Variants in FAM120A observed in about 807,000 individuals in gnomAD.
FAM120A encodes the protein family with sequence similarity 120 member A.
Under a neutral mutation model 109.7 loss-of-function variants are expected in FAM120A, and 15 were observed. The observed-to-expected ratio is 0.14, with a 90% CI of 0.09 to 0.21. FAM120A has a LOEUF of 0.21. Ranked by LOEUF, FAM120A falls within the 10% of genes least tolerant of loss-of-function variation. The probability of loss-of-function intolerance (pLI) is 1.00; values close to 1 mark genes in which losing one functional copy is unlikely to be tolerated. For missense variants in FAM120A, 899 were observed against 1,439.3 expected (o/e 0.62, Z 6.07); for synonymous variants, 493 against 572.8 (o/e 0.86, Z 1.99).
chr9:93,471,607 C>T (rs1394232120), intron 2 of FAM120A, among the ~76,000 whole-genome samples: 2 of 152,112 alleles, frequency 1.3e-5, no homozygotes, highest in African/African-American at 4.8e-5. Context: ...ATTGTTCTAT[C>T]CAGGAATTGT....
intron 3 of FAM120A, among the ~76,000 whole-genome samples, chr9:93,483,155 G>A (rs888208035): frequency 6.6e-6 from 1 of 152,048 alleles, no homozygotes; most frequent in African/African-American, 2.4e-5. Context: ...TAGCAGGAGG[G>A]GGTAGTTCTG....
chr9:93,531,489 C>T (rs572159819), intron 9 of FAM120A: 1 of 152,364 alleles, frequency 6.6e-6, no homozygotes, highest in African/African-American at 2.4e-5. Context: ...AGGCCACAGT[C>T]AGTCATTTGT....
rs907611992 is a variant in FAM120A, at chr9:93,491,758, G to A, written c.805-5713G>A. Among the ~76,000 whole-genome samples, 4 of 151,976 alleles carry A rather than the reference G, an allele frequency of 2.6e-5. No homozygotes were observed. The East Asian group carries it at 5.8e-4, about 22-fold the overall frequency. Reference sequence around the variant, plus strand: ...TAATTAAGTTTACTTACTCTCCTTAGAGATAGAATGTACATATGGTTCTAG... The same window carrying A: ...TAATTAAGTTTACTTACTCTCCTTAAAGATAGAATGTACATATGGTTCTAG... On this transcript the variant is annotated intron_variant, in intron 3 of 17. Coordinates refer to ENST00000277165, the MANE Select transcript of FAM120A (RefSeq NM_014612.5).
intron 7 of FAM120A, among the ~76,000 whole-genome samples, chr9:93,522,835 C>T (rs1470581051): frequency 6.6e-6 from 1 of 152,176 alleles, no homozygotes; most frequent in Non-Finnish European, 1.5e-5. Context: ...TTGCTAATGA[C>T]ATGTACTCCC....
At chr9:93,482,917 C>T (rs1858882875) in intron 3 of FAM120A, among the ~76,000 whole-genome samples, 1 of 152,192 alleles carries the variant, frequency 6.6e-6, no homozygotes, top group Non-Finnish European at 1.5e-5. Context: ...CCCAGTAGGT[C>T]TCATGCAGTG....
At chr9:93,458,404 G>A (rs985187087) in intron 1 of FAM120A, among the ~76,000 whole-genome samples, 4 of 151,946 alleles carry the variant, frequency 2.6e-5, no homozygotes, top group African/African-American at 9.7e-5. Flanking sequence ...TCACTTCAGA[G>A]TTACACCCTC....
In FAM120A at chr9:93,532,825, C is replaced by T. The variant is rs1342825254; in HGVS notation, c.1909+496C>T. 1.3e-5 allele frequency among the ~76,000 whole-genome samples: 2 copies of T among 152,176 alleles called. No individual in the cohort carries two copies. Among genetic ancestry groups the T allele is most frequent in the Non-Finnish European group, 2.9e-5 (2 of 68,040 alleles). On this transcript the variant is annotated intron_variant, in intron 10 of 17. Coordinates refer to ENST00000277165, the MANE Select transcript of FAM120A (RefSeq NM_014612.5). The surrounding 1 kb of genome is among the most constrained non-coding windows in gnomAD (Gnocchi z 4.3). ...AGCGAAGGTCGTGGGACTCACGGAT[C>T]GTCGCAGGATTGTGATGATTTGTCT...
Position 93,471,123 on chromosome 9 carries a change from T to G in FAM120A, c.475-18T>G. On this transcript the variant is annotated intron_variant, in intron 1 of 17. Transcript: ENST00000277165. ...AGTGTTACCCTACATCTGATGAAGTTTTTTTCTCGTTTGCCAGGTTGCACA... is the reference window on the plus strand; with the variant it reads ...AGTGTTACCCTACATCTGATGAAGTGTTTTTCTCGTTTGCCAGGTTGCACA... The G allele has an allele frequency of 1.9e-6, 3 of 1,613,398 alleles. No homozygotes were observed. Among genetic ancestry groups the G allele is most frequent in the South Asian group, 1.1e-5 (1 of 90,978 alleles).
At chr9:93,521,957 G>A (rs959695320) in intron 7 of FAM120A, among the ~76,000 whole-genome samples, 5 of 152,246 alleles carry the variant, frequency 3.3e-5, no homozygotes, top group African/African-American at 1.2e-4. Context: ...GTGTTTGCTT[G>A]TAGTCCCAGC....
intron 3 of FAM120A, among the ~76,000 whole-genome samples, chr9:93,491,156 T>C (rs1308423772): frequency 6.6e-6 from 1 of 152,158 alleles, no homozygotes; most frequent in African/African-American, 2.4e-5. Context: ...CACCACCCAT[T>C]TGGGGAACAG....
chr9:93,565,160 AC>A lies in FAM120A; in HGVS notation c.*621del, dbSNP rs1266609984. Reference sequence around the variant, plus strand: ...TGATTTTAAATATACAATACATCATACATACTTTACAAGCAAGTTAAATGGA... The same window carrying A: ...TGATTTTAAATATACAATACATCATAATACTTTACAAGCAAGTTAAATGGA... On this transcript the variant is annotated 3_prime_UTR_variant, in exon 18 of 18. Transcript: ENST00000277165. 1 of 152,682 alleles carries A rather than the reference AC, an allele frequency of 6.5e-6. No individual in the cohort carries two copies. Among genetic ancestry groups the A allele is most frequent in the African/African-American group, 2.4e-5 (1 of 41,464 alleles). 9.5% of individuals were successfully genotyped at this position (152,682 alleles called of 1,614,324 possible).
In FAM120A at chr9:93,556,609, G is replaced by A. The variant is rs1278573708; in HGVS notation, c.2484+18G>A. The A allele has an allele frequency of 6.2e-7, 1 of 1,611,714 alleles. No individual in the cohort carries two copies. Among genetic ancestry groups the A allele is most frequent in the Non-Finnish European group, 8.5e-7 (1 of 1,177,818 alleles). On this transcript the variant is annotated intron_variant, in intron 13 of 17. Coordinates refer to ENST00000277165, the MANE Select transcript of FAM120A (RefSeq NM_014612.5). ...ATGGTCAGGTATGCTGCGGGGCCGG[G>A]TGGCTGCCTTTAACTGCAATGAAAT...
At chr9:93,545,974 T>C (rs531447965) in intron 11 of FAM120A, among the ~76,000 whole-genome samples, 7 of 151,718 alleles carry the variant, frequency 4.6e-5, no homozygotes, top group Admixed American at 4.6e-4. Context: ...TTCGTAGAGA[T>C]GGAGTTTTAC....
Sources: gnomAD v4.1 joint callset for allele counts (sites outside exome capture counted in the v4.1 genomes callset) on GRCh38, gnomAD v4.1.1 for gene constraint, Gnocchi (gnomAD v3.1) non-coding constraint, MANE v1.5 for transcripts, NCBI Gene and HGNC (gene_info 2026-07-23, HGNC 2026-07-21) for gene names.